DNAH7: variants seen among roughly 807,000 people sequenced by gnomAD.
The protein encoded by DNAH7 is axonemal beta dynein heavy chain 7.
A neutral mutation model predicts 444.6 loss-of-function variants in DNAH7; 397 were observed. That is an observed-to-expected ratio of 0.89 (90% CI 0.82 to 0.97). The LOEUF (loss-of-function observed/expected upper bound fraction) is 0.97. Among genes scored for constraint, DNAH7 ranks in the 50% least tolerant of loss-of-function variants. DNAH7 has a pLI of 0.00. For synonymous variants in DNAH7, 1,636 were observed against 1,624.4 expected, an observed-to-expected ratio of 1.01 and a Z score of -0.17; for missense variants, 4,902 against 4,800.8, an observed-to-expected ratio of 1.02 and a Z score of -0.62.
chr2:195,852,592 G>C (rs896319425), intron 46 of DNAH7, among the ~76,000 whole-genome samples: 1 of 152,102 alleles, frequency 6.6e-6, no homozygotes, highest in African/African-American at 2.4e-5. Context: ...TTTCTAAAAA[G>C]AGCTGAATAG....
intron 21 of DNAH7, among the ~76,000 whole-genome samples, chr2:195,931,644 TAGCC>T (rs989529776): frequency 5.3e-5 from 8 of 152,164 alleles, no homozygotes; most frequent in Non-Finnish European, 8.8e-5. Flanking sequence ...TACATATGGC[TAGCC>T]AGTTTTCCCA....
intron 10 of DNAH7, among the ~76,000 whole-genome samples, chr2:196,006,155 A>C (rs6761504): frequency 0.012 from 1,756 of 152,230 alleles, 36 homozygotes; most frequent in African/African-American, 0.04. Context: ...CTCTACAAAA[A>C]TGAACAAAAT....
chr2:195,862,010 C>T (rs915186922), intron 41 of DNAH7, 64 bp from the exon 42 acceptor site: 1 of 1,230,406 alleles, frequency 8.1e-7, no homozygotes, highest in Non-Finnish European at 1.2e-6. Flanking sequence ...GCTACTACTG[C>T]AGCCCTTTAC....
At chr2:195,913,962 C>G (rs1687514527) in intron 24 of DNAH7, among the ~76,000 whole-genome samples, 1 of 152,232 alleles carries the variant, frequency 6.6e-6, no homozygotes, top group African/African-American at 2.4e-5. Context: ...GATCTGCCTG[C>G]CTTGGCCTCT....
At chr2:195,870,848 C>T (rs1700639182) in intron 40 of DNAH7, among the ~76,000 whole-genome samples, 1 of 152,148 alleles carries the variant, frequency 6.6e-6, no homozygotes, top group Non-Finnish European at 1.5e-5. Context: ...TGTTGACAAG[C>T]CACCCAGTTT....
intron 46 of DNAH7, among the ~76,000 whole-genome samples, chr2:195,845,679 G>T (rs955981685): frequency 1.3e-5 from 2 of 152,136 alleles, no homozygotes; most frequent in African/African-American, 2.4e-5. Context: ...GAATGGAACA[G>T]AATAGAGAGC....
intron 9 of DNAH7, among the ~76,000 whole-genome samples, chr2:196,014,438 C>T (rs1694894765): frequency 6.6e-6 from 1 of 152,100 alleles, no homozygotes; most frequent in African/African-American, 2.4e-5. Context: ...TGTCTCTGAA[C>T]TCTTCCTATC....
chr2:195,815,419 A>G, intron 51 of DNAH7, among the ~76,000 whole-genome samples: 1 of 151,936 alleles, frequency 6.6e-6, no homozygotes, highest in East Asian at 1.9e-4. Flanking sequence ...AACTTGTAAA[A>G]TAATAAATCT....
chr2:195,970,320 G>C (rs927014169), intron 16 of DNAH7, among the ~76,000 whole-genome samples: 1 of 152,114 alleles, frequency 6.6e-6, no homozygotes, highest in East Asian at 1.9e-4. Context: ...AGTCAACTCT[G>C]TATTATCTAT....
chr2:195,778,643 A>AAAATATAT (rs1553518206), intron 58 of DNAH7, among the ~76,000 whole-genome samples: 1 of 56,254 alleles, frequency 1.8e-5, no homozygotes, highest in Non-Finnish European at 2.9e-5. Flanking sequence ...TAAATAAATA[A>AAAATATAT]ATATATATAT....
At chr2:195,832,047 A>G (rs1314074087) in intron 48 of DNAH7, among the ~76,000 whole-genome samples, 2 of 152,212 alleles carry the variant, frequency 1.3e-5, no homozygotes, top group African/African-American at 4.8e-5. Context: ...ATATATATGC[A>G]TATAAAATTT....
At chr2:195,965,117 CT>C (rs1691386621) in intron 17 of DNAH7, among the ~76,000 whole-genome samples, 1 of 151,860 alleles carries the variant, frequency 6.6e-6, no homozygotes, top group Non-Finnish European at 1.5e-5. Flanking sequence ...TCTTTTATGG[CT>C]TTTATTATGT....
At chr2:195,796,920 A>T (rs1367620006) in intron 55 of DNAH7, among the ~76,000 whole-genome samples, 183 bp from the exon 56 acceptor site, 1 of 152,258 alleles carries the variant, frequency 6.6e-6, no homozygotes, top group East Asian at 1.9e-4. Context: ...CTTCGATAAA[A>T]AGCAAGTCAA....
intron 63 of DNAH7, among the ~76,000 whole-genome samples, chr2:195,753,091 TGAAA>T (rs1574373746): frequency 6.6e-6 from 1 of 152,116 alleles, no homozygotes; most frequent in East Asian, 1.9e-4. Flanking sequence ...AATTTATTCC[TGAAA>T]GAGAGGGCAC....
chr2:195,867,103 A>G (rs1209863222), intron 40 of DNAH7, among the ~76,000 whole-genome samples: 1 of 152,222 alleles, frequency 6.6e-6, no homozygotes, highest in East Asian at 1.9e-4. Flanking sequence ...CAGCAGCATG[A>G]AAATGGACTA....
At chr2:195,764,736 G>T (rs1013138564) in intron 61 of DNAH7, among the ~76,000 whole-genome samples, 3 of 151,838 alleles carry the variant, frequency 2.0e-5, no homozygotes, top group African/African-American at 7.3e-5. Flanking sequence ...AATTGAAGAA[G>T]ACACAGTAAA....
intron 46 of DNAH7, among the ~76,000 whole-genome samples, chr2:195,851,457 A>G (rs777635550): frequency 2.6e-5 from 4 of 152,166 alleles, no homozygotes; most frequent in Non-Finnish European, 5.9e-5. Flanking sequence ...CACAGAAGGC[A>G]CTCTGAGCTT....
chr2:195,987,100 T>C lies in DNAH7; in HGVS notation c.1720A>G (p.Lys574Glu), dbSNP rs762884188. Residue 574 changes from lysine to glutamate, a missense_variant, in exon 14 of 65, where the codon AAA becomes GAA. Coordinates refer to ENST00000312428, the MANE Select transcript of DNAH7 (RefSeq NM_018897.3). ...ADIICGKLLA[K>E]MFRDHQEVNT... ...ACTTCCTGATGATCTCTGAACATTT[T>C]AGCTAGAAGTTTCCCACAAATAATA... 2 of 1,606,634 alleles carry C rather than the reference T, an allele frequency of 1.2e-6. No individual in the cohort carries two copies. Among genetic ancestry groups the C allele is most frequent in the Non-Finnish European group, 8.5e-7 (1 of 1,177,930 alleles).
intron 5 of DNAH7, among the ~76,000 whole-genome samples, chr2:196,044,377 T>C (rs1411055741): frequency 6.6e-6 from 1 of 151,466 alleles, no homozygotes; most frequent in African/African-American, 2.4e-5. Context: ...CACTCATATG[T>C]GGGACCTAAG....
Sources: gnomAD v4.1 joint callset for allele counts (sites outside exome capture counted in the v4.1 genomes callset) on GRCh38, gnomAD v4.1.1 for gene constraint, MANE v1.5 for transcripts, NCBI Gene and HGNC (gene_info 2026-07-23, HGNC 2026-07-21) for gene names.